Variants in PTGER4 observed in about 807,000 individuals in gnomAD.
The protein encoded by PTGER4 is prostaglandin E2 receptor EP4 subtype.
In PTGER4, 11 loss-of-function variants were observed where a neutral mutation model predicts 33.2. That is an observed-to-expected ratio of 0.33 (90% CI 0.21 to 0.55). The LOEUF is 0.55. Ranked by LOEUF, PTGER4 falls within the 20% of genes least tolerant of loss-of-function variation. PTGER4 has a pLI of 0.92. For missense variants in PTGER4, 481 were observed against 650.2 expected, an observed-to-expected ratio of 0.74 and a Z score of 2.83; for synonymous variants, 275 against 281.5, an observed-to-expected ratio of 0.98 and a Z score of 0.23.
the PTGER4 span, among the ~76,000 whole-genome samples, chr5:40,738,500 AATAC>A: frequency 1.3e-4 from 18 of 136,832 alleles, no homozygotes; most frequent in African/African-American, 3.6e-4. Flanking sequence ...AATACAATAC[AATAC>A]AATAAAATAC....
chr5:40,722,835 CG>C, the PTGER4 span, among the ~76,000 whole-genome samples: 1 of 151,382 alleles, frequency 6.6e-6, no homozygotes, highest in African/African-American at 2.4e-5. Flanking sequence ...AGCCCCCACC[CG>C]GCCAGCTGCC....
chr5:40,728,675 A>G, the PTGER4 span, among the ~76,000 whole-genome samples: 2 of 152,146 alleles, frequency 1.3e-5, no homozygotes, highest in African/African-American at 4.8e-5. Context: ...GAAAATGTAA[A>G]CGATTCCCTT....
chr5:40,716,270 C>G, the PTGER4 span: 12 of 1,614,108 alleles, frequency 7.4e-6, no homozygotes, highest in African/African-American at 1.3e-4. Context: ...ACTGTCTTCT[C>G]TTTCTCAGCA....
At chr5:40,725,767 A>C in the PTGER4 span, among the ~76,000 whole-genome samples, 1 of 147,762 alleles carries the variant, frequency 6.8e-6, no homozygotes, top group Non-Finnish European at 1.5e-5. Flanking sequence ...TTTAACTCCC[A>C]GAACCATTCT....
the PTGER4 span, among the ~76,000 whole-genome samples, chr5:40,708,242 A>T: frequency 6.6e-6 from 1 of 152,178 alleles, no homozygotes; most frequent in African/African-American, 2.4e-5. Flanking sequence ...TGAATCCAGG[A>T]GCTGGCTTTT....
the PTGER4 span, among the ~76,000 whole-genome samples, chr5:40,736,224 T>G: frequency 1.4e-4 from 21 of 152,176 alleles, no homozygotes; most frequent in African/African-American, 4.8e-4. Flanking sequence ...GAAAATAAAG[T>G]CATTCTACAC....
chr5:40,724,099 C>T, the PTGER4 span, among the ~76,000 whole-genome samples: 1 of 152,122 alleles, frequency 6.6e-6, no homozygotes, highest in Admixed American at 6.5e-5. Flanking sequence ...GCACTATTCA[C>T]GATAGCCAAT....
In PTGER4 at chr5:40,683,663, A is replaced by G. The variant is rs1741252112; in HGVS notation, c.867+1803A>G. On this transcript the variant is annotated intron_variant, in intron 2 of 2. Transcript: ENST00000302472. The surrounding 1 kb of genome is among the most constrained non-coding windows in gnomAD (Gnocchi z 4.2). ...TGGAAGTAAGCATGTAAAGCTATGG[A>G]TTTCTGCACAGCCACGGATGAATTA... Among the ~76,000 whole-genome samples, 1 of 152,240 alleles carries G rather than the reference A, an allele frequency of 6.6e-6. No individual in the cohort carries two copies. The highest frequency in any genetic ancestry group is 2.4e-5 in the African/African-American group (1 of 41,454).
the PTGER4 span, among the ~76,000 whole-genome samples, chr5:40,733,981 T>C: frequency 6.6e-6 from 1 of 152,212 alleles, no homozygotes; most frequent in African/African-American, 2.4e-5. Flanking sequence ...TCAACTGCAC[T>C]GTCTTTTATT....
chr5:40,726,355 G>A, the PTGER4 span, among the ~76,000 whole-genome samples: 2 of 151,410 alleles, frequency 1.3e-5, no homozygotes, highest in East Asian at 3.9e-4. Context: ...ATTTCCTATG[G>A]TTTTAGTCCA....
the PTGER4 span, among the ~76,000 whole-genome samples, chr5:40,704,560 T>C: frequency 2.0e-5 from 3 of 152,164 alleles, no homozygotes; most frequent in African/African-American, 7.2e-5. Context: ...TGTTTGCAGA[T>C]TCTATACCTA....
In PTGER4 at chr5:40,681,039, C is replaced by A. The variant is rs761489195; in HGVS notation, c.46C>A (p.Arg16=). 27 of 1,613,876 alleles carry A rather than the reference C, an allele frequency of 1.7e-5. No individual in the cohort carries two copies. In the Admixed American group the frequency reaches 4.0e-4, roughly 24 times the overall value. ...TTCGTCCGCCTCCTTGAGCCCCGAC[C>A]GGCTGAACAGCCCAGTGACCATCCC... is the stretch of plus-strand genomic sequence containing the variant. The part of the protein sequence containing the change: ...VNSSASLSPD[R]LNSPVTIPAV... Residue 16 remains arginine (R), a synonymous_variant, in exon 2 of 3, where the codon CGG becomes AGG. Transcript: ENST00000302472. The surrounding 1 kb of genome is among the most constrained non-coding windows in gnomAD (Gnocchi z 9.8).
chr5:40,715,957 C>A, the PTGER4 span: 1 of 468,032 alleles, frequency 2.1e-6, no homozygotes, highest in Non-Finnish European at 3.7e-6. Flanking sequence ...AAATATAAAT[C>A]ATAACTTATC....
the PTGER4 span, chr5:40,716,061 T>C: frequency 8.6e-7 from 1 of 1,166,886 alleles, no homozygotes; most frequent in Non-Finnish European, 1.2e-6. Flanking sequence ...CGTTCTCCTA[T>C]CTATCTCCAG....
At chr5:40,740,065 T>C in the PTGER4 span, among the ~76,000 whole-genome samples, 3 of 152,288 alleles carry the variant, frequency 2.0e-5, no homozygotes, top group East Asian at 3.9e-4. Context: ...AACAGCCTAA[T>C]AGCAATATAA....
chr5:40,732,835 T>C, the PTGER4 span, among the ~76,000 whole-genome samples: 1 of 152,128 alleles, frequency 6.6e-6, no homozygotes, highest in Non-Finnish European at 1.5e-5. Flanking sequence ...CTTGAACTCT[T>C]GACCTCAACT....
Position 40,681,417 on chromosome 5 carries a change from G to T in PTGER4, c.424G>T (p.Ala142Ser). The change falls in exon 2 of 3, where the codon GCA becomes TCA. Residue 142 changes from alanine to serine, a missense_variant. Transcript: ENST00000302472. The surrounding 1 kb of genome is among the most constrained non-coding windows in gnomAD (Gnocchi z 9.8). ...GCGATTGGCGGGCCTCACGCTCTTT[G>T]CAGTCTATGCGTCCAACGTGCTCTT... is the stretch of plus-strand genomic sequence containing the variant. ...DKRLAGLTLF[A>S]VYASNVLFCA... 6.2e-7 allele frequency: 1 copy of T among 1,613,962 alleles called. No homozygotes were observed. The highest frequency in any genetic ancestry group is 8.5e-7 in the Non-Finnish European group (1 of 1,180,030).
chr5:40,738,555 AATAAAATAAAAT>A, the PTGER4 span, among the ~76,000 whole-genome samples: 2 of 138,344 alleles, frequency 1.4e-5, no homozygotes, highest in African/African-American at 5.2e-5. Flanking sequence ...AATAAAATAA[AATAAAATAAAAT>A]ATAAAATAAA....
intron 2 of PTGER4, among the ~76,000 whole-genome samples, chr5:40,685,718 C>T (rs1319091078): frequency 6.6e-6 from 1 of 152,152 alleles, no homozygotes; most frequent in South Asian, 2.1e-4. Flanking sequence ...TTTTCACTCT[C>T]TCTACACCTC....
Sources: allele counts gnomAD v4.1 joint callset (sites outside exome capture counted in the v4.1 genomes callset), GRCh38; gene constraint gnomAD v4.1.1; non-coding constraint Gnocchi (gnomAD v3.1); transcripts MANE v1.5; gene names NCBI Gene and HGNC (gene_info 2026-07-23, HGNC 2026-07-21).